EXTL2: variants seen among roughly 807,000 people sequenced by gnomAD.
The protein encoded by EXTL2 is exostosin-like 2.
Under a neutral mutation model 30.7 loss-of-function variants are expected in EXTL2, and 23 were observed. The observed-to-expected ratio is 0.75, with a 90% CI of 0.54 to 1.06. The LOEUF (loss-of-function observed/expected upper bound fraction) is 1.06. EXTL2 is among the 50% of genes least tolerant of loss of function. EXTL2 has a pLI of 0.00. For synonymous variants in EXTL2, 123 were observed against 133.8 expected (o/e 0.92, Z 0.56); for missense variants, 352 against 396.3 (o/e 0.89, Z 0.95).
intron 2 of EXTL2, among the ~76,000 whole-genome samples, chr1:100,883,010 G>T (rs1649688093): frequency 6.6e-6 from 1 of 152,148 alleles, no homozygotes. Context: ...TAAGGAACTT[G>T]CCTAAGGTCA....
chr1:100,894,529 C>T (rs912746959), intron 1 of EXTL2, 104 bp downstream of exon 1: 1 of 152,124 alleles, frequency 6.6e-6, no homozygotes, highest in African/African-American at 2.4e-5. Flanking sequence ...ACCGAATACT[C>T]CATACACACA....
At chr1:100,880,813 C>T (rs765360040) in intron 2 of EXTL2, 1 of 241,612 alleles carries the variant, frequency 4.1e-6, no homozygotes, top group Non-Finnish European at 6.7e-6. Flanking sequence ...GTAGGAATAG[C>T]ACATTTTAAA....
At chr1:100,893,709 T>C (rs896009347) in intron 1 of EXTL2, among the ~76,000 whole-genome samples, 1 of 152,252 alleles carries the variant, frequency 6.6e-6, no homozygotes, top group African/African-American at 2.4e-5. Flanking sequence ...TTTTCACTCA[T>C]AGAACTTTTC....
chr1:100,875,617 G>C (rs561151024), intron 4 of EXTL2, among the ~76,000 whole-genome samples: 1 of 152,194 alleles, frequency 6.6e-6, no homozygotes, highest in African/African-American at 2.4e-5. Flanking sequence ...AATCTTGCTT[G>C]CTTATACACA....
chr1:100,885,766 ATTG>A (rs1186913073), intron 2 of EXTL2: 1 of 152,140 alleles, frequency 6.6e-6, no homozygotes, highest in Non-Finnish European at 1.5e-5. Flanking sequence ...CATTCTTTTC[ATTG>A]TTGTTTTAGA....
intron 2 of EXTL2, among the ~76,000 whole-genome samples, chr1:100,884,248 C>A (rs1018464255): frequency 3.9e-5 from 6 of 152,174 alleles, no homozygotes; most frequent in African/African-American, 1.4e-4. Flanking sequence ...ACTATTCTGC[C>A]ATTTCACTAC....
intron 3 of EXTL2, 49 bp from the exon 4 acceptor site, chr1:100,876,913 C>A: frequency 7.9e-7 from 1 of 1,270,366 alleles, no homozygotes; most frequent in Non-Finnish European, 1.2e-6. Flanking sequence ...GAAATGAAAA[C>A]AAAAGTAGTA....
intron 4 of EXTL2, among the ~76,000 whole-genome samples, chr1:100,875,608 A>C (rs1238718541): frequency 6.6e-6 from 1 of 152,086 alleles, no homozygotes; most frequent in Non-Finnish European, 1.5e-5. Flanking sequence ...GTCTACTCGA[A>C]TCTTGCTTGC....
downstream of EXTL2, chr1:100,872,380 G>GAA (rs1464124213): frequency 1.3e-5 from 2 of 152,400 alleles, no homozygotes; most frequent in Non-Finnish European, 2.9e-5. Context: ...AGTTAACACA[G>GAA]AACACATGGA....
In EXTL2 at chr1:100,877,422, C is replaced by T; in HGVS notation, c.433+54G>A. The T allele has an allele frequency of 6.8e-7, 1 of 1,460,900 alleles. No individual in the cohort carries two copies. The highest frequency in any genetic ancestry group is 9.2e-7 in the Non-Finnish European group (1 of 1,090,924). 90.5% of individuals were successfully genotyped at this position (1,460,900 alleles called of 1,614,324 possible). A position where few individuals can be genotyped will look rare whatever the true frequency, so the allele number is the denominator to read the frequency against. Reference sequence around the variant, plus strand: ...GAAGGCCAGAAATTCACATGTCTGTCCCAGCTCTGGACAGCGGCAGCCTTT... The same window carrying T: ...GAAGGCCAGAAATTCACATGTCTGTTCCAGCTCTGGACAGCGGCAGCCTTT... On this transcript the variant is annotated intron_variant, in intron 3 of 4. Transcript: ENST00000370114. This position sits in a 1 kb window ranked among gnomAD's most constrained non-coding sequence, Gnocchi z 4.1.
At chr1:100,880,996 C>T (rs1335618872) in intron 2 of EXTL2, 2 of 982,680 alleles carry the variant, frequency 2.0e-6, no homozygotes, top group Non-Finnish European at 1.2e-6. Context: ...GGAGTTTATC[C>T]CCTGTATCCA....
At chr1:100,890,447 T>C (rs1391284949) in intron 1 of EXTL2, among the ~76,000 whole-genome samples, 1 of 152,260 alleles carries the variant, frequency 6.6e-6, no homozygotes, top group Non-Finnish European at 1.5e-5. Context: ...AGGCTCCTTG[T>C]TACTTATGCA....
chr1:100,887,704 CT>C (rs953592883), intron 2 of EXTL2, among the ~76,000 whole-genome samples: 28 of 151,890 alleles, frequency 1.8e-4, no homozygotes, highest in African/African-American at 6.3e-4. Context: ...ATTGTATTTT[CT>C]TTTTTTCTTT....
At position 100,874,408 on chromosome 1, in the gene EXTL2, C is replaced by T. The variant is rs1302423311; in HGVS notation, c.527G>A (p.Gly176Glu). ...VWQQFPDQIV[G>E]FVPRKHVSTS... Reference sequence around the variant, plus strand: ...AGAGACGTGCTTTCTAGGAACAAATCCTACAATTTGATCAGGAAATTGCTG... The same window carrying T: ...AGAGACGTGCTTTCTAGGAACAAATTCTACAATTTGATCAGGAAATTGCTG... The change falls in exon 5 of 5, where the codon GGA becomes GAA. Residue 176 changes from glycine (G) to glutamate (E), a missense_variant. Coordinates refer to ENST00000370114, the MANE Select transcript of EXTL2 (RefSeq NM_001033025.3). The T allele has an allele frequency of 6.3e-7, 1 of 1,588,824 alleles. No homozygotes were observed. The highest frequency in any genetic ancestry group is 1.8e-5 in the Admixed American group (1 of 56,314).
intron 1 of EXTL2, among the ~76,000 whole-genome samples, chr1:100,892,062 T>C (rs897611224): frequency 6.6e-6 from 1 of 152,202 alleles, no homozygotes; most frequent in East Asian, 1.9e-4. Context: ...TGGGTTCAAG[T>C]TGACAAGGGA....
rs1570447472 is a variant in EXTL2 at position 100,872,678 on chromosome 1, A to G, written c.*1264T>C. ...GCAATTTTGAGAATATACTAGCATT[A>G]TATAAGAAGGAAGAGGAGAAGGAGG... On this transcript the variant is annotated 3_prime_UTR_variant, in exon 5 of 5. Transcript: ENST00000370114. The G allele has an allele frequency of 6.6e-6, 1 of 152,480 alleles. No individual in the cohort carries two copies. Among genetic ancestry groups the G allele is most frequent in the African/African-American group, 2.4e-5 (1 of 41,430 alleles). The allele number at this position is 152,480 out of a possible 1,614,324, so 9.4% of individuals were successfully genotyped here.
In EXTL2 at chr1:100,874,092, A is replaced by G. The variant is rs201314872; in HGVS notation, c.843T>C (p.Ser281=). 12 of 1,613,204 alleles carry G rather than the reference A, an allele frequency of 7.4e-6. No homozygotes were observed. In the African/African-American group the frequency reaches 1.3e-4, roughly 18 times the overall value. ...CGTGCTCAGCTCGATGCCACATTCC[A>G]GAATAGCCACTGTTGGTTTCTTTTT... ...NLEKETNSGY[S]GMWHRAEHAL... Residue 281 remains serine, a synonymous_variant, in exon 5 of 5, where the codon TCT becomes TCC. Coordinates refer to ENST00000370114, the MANE Select transcript of EXTL2 (RefSeq NM_001033025.3).
intron 4 of EXTL2, among the ~76,000 whole-genome samples, chr1:100,876,142 C>T (rs935361800): frequency 1.3e-5 from 2 of 151,974 alleles, no homozygotes; most frequent in African/African-American, 4.8e-5. Flanking sequence ...GACACGGCTT[C>T]GAAGTACTTC....
chr1:100,876,598 A>T (rs979543269), intron 4 of EXTL2, among the ~76,000 whole-genome samples, 196 bp downstream of exon 4: 6 of 152,078 alleles, frequency 3.9e-5, no homozygotes, highest in African/African-American at 1.4e-4. Flanking sequence ...TTAAATCTAG[A>T]TAAAAGATAC....
Sources: gnomAD v4.1 joint callset for allele counts (sites outside exome capture counted in the v4.1 genomes callset) on GRCh38, gnomAD v4.1.1 for gene constraint, Gnocchi (gnomAD v3.1) non-coding constraint, MANE v1.5 for transcripts, NCBI Gene and HGNC (gene_info 2026-07-23, HGNC 2026-07-21) for gene names.